The following TMEM131 variants were observed in gnomAD, a reference collection of about 807,000 sequenced individuals.
TMEM131 encodes the protein transmembrane protein 131.
Under a neutral mutation model 211.6 loss-of-function variants are expected in TMEM131, and 66 were observed. That is an observed-to-expected ratio of 0.31 (90% CI 0.26 to 0.38). The LOEUF (loss-of-function observed/expected upper bound fraction) is 0.38. Ranked by LOEUF, TMEM131 falls within the 10% of genes least tolerant of loss-of-function variation. The probability of loss-of-function intolerance (pLI) is 1.00; values close to 1 mark genes in which losing one functional copy is unlikely to be tolerated. For synonymous variants in TMEM131, 844 were observed against 841.3 expected, an observed-to-expected ratio of 1.00 and a Z score of -0.06; for missense variants, 2,036 against 2,299.3, an observed-to-expected ratio of 0.89 and a Z score of 2.34.
At chr2:97,985,703 A>G (rs552037452) in intron 1 of TMEM131, among the ~76,000 whole-genome samples, 48 of 151,834 alleles carry the variant, frequency 3.2e-4, no homozygotes, top group Non-Finnish European at 5.3e-4. Flanking sequence ...TACCCTGGGA[A>G]AAAAAAAATC....
intron 1 of TMEM131, among the ~76,000 whole-genome samples, chr2:97,993,181 T>C (rs1680337522): frequency 6.6e-6 from 1 of 152,224 alleles, no homozygotes; most frequent in African/African-American, 2.4e-5. Flanking sequence ...ACATACAAAA[T>C]ACCTGCAGAA....
At chr2:97,759,419 T>C (rs1678694878) in intron 39 of TMEM131, 2 of 541,262 alleles carry the variant, frequency 3.7e-6, no homozygotes, top group Non-Finnish European at 6.6e-6. Context: ...ATACCCGCCA[T>C]GGAACTCACA....
intron 6 of TMEM131, among the ~76,000 whole-genome samples, chr2:97,843,925 T>G (rs1050584973): frequency 1.4e-4 from 22 of 152,208 alleles, no homozygotes; most frequent in South Asian, 4.1e-4. Context: ...TTGTCAATCT[T>G]AAATTAACAC....
chr2:97,889,965 C>G (rs906593433), intron 3 of TMEM131, among the ~76,000 whole-genome samples: 1 of 152,174 alleles, frequency 6.6e-6, no homozygotes, highest in African/African-American at 2.4e-5. Flanking sequence ...TGTTTAGAAC[C>G]GAAAATGCCT....
intron 4 of TMEM131, among the ~76,000 whole-genome samples, chr2:97,881,723 A>AAAAGAGGGGGGG (rs1491361818): frequency 1.5e-5 from 1 of 65,562 alleles, no homozygotes; most frequent in Non-Finnish European, 2.6e-5. Context: ...AAAAAAAAAA[A>AAAAGAGGGGGGG]GGGGGGGGGG....
In TMEM131 at chr2:97,870,845, A is replaced by AC. The variant is rs1255844289; in HGVS notation, c.360-11419dup. Among the ~76,000 whole-genome samples, 5 of 152,332 alleles carry AC rather than the reference A, an allele frequency of 3.3e-5. No individual in the cohort carries two copies. In the East Asian group the frequency reaches 9.6e-4, roughly 29 times the overall value. On this transcript the variant is annotated intron_variant, in intron 4 of 40. Transcript: ENST00000186436. Reference sequence around the variant, plus strand: ...AAATACTACTATCCTCCTTTCAAAAACATTTTAGATTGAAGGCTGAGCTGG... The same window carrying AC: ...AAATACTACTATCCTCCTTTCAAAAACCATTTTAGATTGAAGGCTGAGCTGG...
chr2:97,833,500 G>A (rs770693677), intron 10 of TMEM131, 74 bp from the exon 11 acceptor site: 5 of 680,726 alleles, frequency 7.3e-6, no homozygotes, highest in African/African-American at 1.9e-5. Context: ...TACCTTATAA[G>A]ATATCAAATT....
At chr2:97,937,241 G>A (rs1241052928) in intron 1 of TMEM131, among the ~76,000 whole-genome samples, 1 of 152,058 alleles carries the variant, frequency 6.6e-6, no homozygotes, top group East Asian at 1.9e-4. Context: ...GAAAAAACAA[G>A]CAAATTGAAA....
rs189312793 is a variant in TMEM131 at position 97,882,114 on chromosome 2, A to G, written c.359+5938T>C. Among the ~76,000 whole-genome samples the G allele has an allele frequency of 5.1e-4, 77 of 152,340 alleles. 1 individual carries two copies. Among genetic ancestry groups the G allele is most frequent in the African/African-American group, 1.8e-3 (76 of 41,582 alleles). ...TAAAATTACTAAGCAAATTCTTTCA[A>G]CCATATCTCTCTTCATTTTCTAGAG... is the stretch of plus-strand genomic sequence containing the variant. On this transcript the variant is annotated intron_variant, in intron 4 of 40. Transcript: ENST00000186436.
chr2:97,803,823 G>C (rs1681154140), intron 22 of TMEM131, among the ~76,000 whole-genome samples: 1 of 152,166 alleles, frequency 6.6e-6, no homozygotes, highest in South Asian at 2.1e-4. Context: ...GGACAACACT[G>C]TAAGTTATTT....
intron 38 of TMEM131, chr2:97,759,964 C>T: frequency 1.9e-6 from 1 of 522,832 alleles, no homozygotes; most frequent in Non-Finnish European, 3.4e-6. Flanking sequence ...ATCACTAGCT[C>T]ACAGCCAGGT....
chr2:97,978,600 T>A (rs112905013), intron 1 of TMEM131, among the ~76,000 whole-genome samples: 1 of 151,996 alleles, frequency 6.6e-6, no homozygotes, highest in African/African-American at 2.4e-5. Flanking sequence ...GCTCAGGAGG[T>A]CCTTGAACTC....
At position 97,859,436 on chromosome 2, in the gene TMEM131, CAAAAA is replaced by C; in HGVS notation, c.360-14_360-10del. The C allele has an allele frequency of 1.3e-6, 2 of 1,531,622 alleles. No individual in the cohort carries two copies. The highest frequency in any genetic ancestry group is 1.7e-6 in the Non-Finnish European group (2 of 1,147,920). 94.9% of individuals were successfully genotyped at this position (1,531,622 alleles called of 1,614,324 possible). A position where few individuals can be genotyped will look rare whatever the true frequency, so the allele number is the denominator to read the frequency against. The stretch of plus-strand genomic sequence containing the variant: ...TTGGCATTCCAACTGGTCTGTAAAA[CAAAAA>C]GAAAATTATCACAAATATTTCACAG... On this transcript the variant is annotated splice_polypyrimidine_tract_variant and intron_variant, in intron 4 of 40. Transcript: ENST00000186436.
At chr2:97,868,892 C>A (rs1392613782) in intron 4 of TMEM131, among the ~76,000 whole-genome samples, 1 of 152,050 alleles carries the variant, frequency 6.6e-6, no homozygotes, top group Non-Finnish European at 1.5e-5. Context: ...GGTGGGGTTA[C>A]GACACCATGA....
intron 15 of TMEM131, among the ~76,000 whole-genome samples, chr2:97,813,401 T>G (rs1035740479): frequency 6.6e-6 from 1 of 152,222 alleles, no homozygotes; most frequent in Non-Finnish European, 1.5e-5. Context: ...CAGTTTTCTC[T>G]CTTATCTAAG....
At chr2:97,995,186 A>C (rs1680437307) in intron 1 of TMEM131, among the ~76,000 whole-genome samples, 1 of 152,246 alleles carries the variant, frequency 6.6e-6, no homozygotes, top group Non-Finnish European at 1.5e-5. Context: ...CAATAAAGCC[A>C]AAAAATATGC....
chr2:97,847,477 T>C lies in TMEM131; in HGVS notation c.484-3216A>G, dbSNP rs936866689. On this transcript the variant is annotated intron_variant, in intron 5 of 40. Transcript: ENST00000186436. ...AAGAAATACTGAGGTATAAATCTAA[T>C]AACATACAAGTTCTGTAAGCTGAAA... Among the ~76,000 whole-genome samples the C allele has an allele frequency of 5.3e-5, 8 of 152,170 alleles. No individual in the cohort carries two copies. In the East Asian group the frequency reaches 1.5e-3, roughly 29 times the overall value.
At chr2:97,909,080 T>C (rs573308308) in intron 2 of TMEM131, among the ~76,000 whole-genome samples, 134 of 152,268 alleles carry the variant, frequency 8.8e-4, no homozygotes, top group African/African-American at 3.0e-3. Flanking sequence ...GTGAGGGAGA[T>C]AGTCATTTAA....
intron 28 of TMEM131, 29 bp downstream of exon 28, chr2:97,796,188 AT>A: frequency 7.5e-7 from 1 of 1,329,084 alleles, no homozygotes; most frequent in South Asian, 1.4e-5. Flanking sequence ...AAAGTTAGTG[AT>A]TCATTACACC....
Sources: gnomAD v4.1 joint callset for allele counts (sites outside exome capture counted in the v4.1 genomes callset) on GRCh38, gnomAD v4.1.1 for gene constraint, MANE v1.5 for transcripts, NCBI Gene and HGNC (gene_info 2026-07-23, HGNC 2026-07-21) for gene names.